The following GLB1 variants were observed in gnomAD, a reference collection of about 807,000 sequenced individuals.
GLB1 encodes the protein galactosidase beta 1.
Under a neutral mutation model 74.0 loss-of-function variants are expected in GLB1, and 56 were observed. The observed-to-expected ratio is 0.76, with a 90% confidence interval of 0.61 to 0.94. The LOEUF is 0.94. Among genes scored for constraint, GLB1 ranks in the 40% least tolerant of loss-of-function variants. GLB1 has a pLI of 0.00. For synonymous variants in GLB1, 323 were observed against 323.6 expected (o/e 1.00, Z 0.02); for missense variants, 787 against 845.5 (o/e 0.93, Z 0.86).
chr3:33,014,342 G>A, intron 14 of GLB1, 32 bp from the exon 15 acceptor site: 1 of 1,609,826 alleles, frequency 6.2e-7, no homozygotes, highest in Admixed American at 1.7e-5. Flanking sequence ...CAGTGAGCTG[G>A]GGAGGGAAGG....
the GLB1 span, among the ~76,000 whole-genome samples, chr3:32,970,103 T>C: frequency 6.6e-6 from 1 of 152,262 alleles, no homozygotes; most frequent in Non-Finnish European, 1.5e-5. Flanking sequence ...GGACTGCCTC[T>C]AACTCTAAGA....
intron 1 of GLB1, chr3:33,090,770 GTGTTGA>G (rs1700723642): frequency 1.0e-6 from 1 of 985,280 alleles, no homozygotes; most frequent in Non-Finnish European, 1.2e-6. Context: ...ATACGAGAGG[GTGTTGA>G]TGTTGTTTCT....
At chr3:33,051,588 G>A (rs1437346822) in intron 9 of GLB1, among the ~76,000 whole-genome samples, 170 bp downstream of exon 9, 53 of 128,014 alleles carry the variant, frequency 4.1e-4, no homozygotes, top group African/African-American at 1.6e-3. Flanking sequence ...CTGGGTGACA[G>A]AGTGAGACTG....
At chr3:33,003,752 G>A (rs547908887) in intron 15 of GLB1, among the ~76,000 whole-genome samples, 1 of 152,304 alleles carries the variant, frequency 6.6e-6, no homozygotes, top group African/African-American at 2.4e-5. Context: ...GAATCTGTCT[G>A]GGCATGGTGG....
intron 6 of GLB1, among the ~76,000 whole-genome samples, chr3:33,056,397 G>A (rs147255443): frequency 7.4e-4 from 112 of 151,786 alleles, no homozygotes; most frequent in African/African-American, 2.5e-3. Context: ...CAAGGAACTG[G>A]TCTTTTTTGT....
At chr3:33,003,324 G>A (rs568468138) in intron 15 of GLB1, among the ~76,000 whole-genome samples, 4 of 152,208 alleles carry the variant, frequency 2.6e-5, no homozygotes, top group East Asian at 3.9e-4. Context: ...AACAACAGTC[G>A]TCAAACCACC....
intron 15 of GLB1, among the ~76,000 whole-genome samples, chr3:33,005,126 G>A (rs1012068666): frequency 2.6e-5 from 4 of 151,336 alleles, no homozygotes; most frequent in African/African-American, 9.7e-5. Context: ...GTGCCATCAT[G>A]CCCTTGTAAC....
At chr3:33,059,136 G>A (rs976841757) in intron 5 of GLB1, among the ~76,000 whole-genome samples, 3 of 152,162 alleles carry the variant, frequency 2.0e-5, no homozygotes, top group African/African-American at 7.2e-5. Flanking sequence ...CTGAGGGTGG[G>A]GTCCCTGCTC....
the GLB1 span, among the ~76,000 whole-genome samples, chr3:32,962,802 A>C: frequency 6.6e-6 from 1 of 151,976 alleles, no homozygotes; most frequent in East Asian, 1.9e-4. Flanking sequence ...CTAAAACACT[A>C]TTCCAGCACT....
chr3:32,999,608 GT>G (rs1488129857), intron 15 of GLB1, among the ~76,000 whole-genome samples: 1 of 152,174 alleles, frequency 6.6e-6, no homozygotes, highest in Non-Finnish European at 1.5e-5. Flanking sequence ...TCCCTGGATG[GT>G]TCTGGGTTAG....
At chr3:33,077,167 C>A in intron 1 of GLB1, 1 of 1,459,626 alleles carries the variant, frequency 6.9e-7, no homozygotes. Context: ...CTTGGTACCT[C>A]TTTTGTGAAG....
rs956986888 is a variant in GLB1, at chr3:33,068,116, A to T, written c.457+114T>A. 8.1e-6 allele frequency: 12 copies of T among 1,487,472 alleles called. No homozygotes were observed. In the Admixed American group the frequency reaches 1.9e-4, roughly 23 times the overall value. The allele number at this position is 1,487,472 out of a possible 1,614,324, so 92.1% of individuals were successfully genotyped here. ...TGGCCAGCCTGGTCTCGAACTCCCA[A>T]CCTCAGGTAATCCACCCGCCTCAGC... is the stretch of plus-strand genomic sequence containing the variant. On this transcript the variant is annotated intron_variant, in intron 4 of 15. Transcript: ENST00000307363.
chr3:32,984,170 C>T, the GLB1 span, among the ~76,000 whole-genome samples: 1 of 152,124 alleles, frequency 6.6e-6, no homozygotes. Context: ...TAAATCCACA[C>T]TAGGGCTAGC....
At chr3:33,067,115 G>C (rs1290034443) in intron 4 of GLB1, among the ~76,000 whole-genome samples, 2 of 149,240 alleles carry the variant, frequency 1.3e-5, no homozygotes, top group African/African-American at 2.5e-5. Context: ...CAATTCTCCT[G>C]CCTCAGCCTC....
intron 1 of GLB1, chr3:33,092,596 G>T: frequency 7.6e-7 from 1 of 1,323,768 alleles, no homozygotes; most frequent in South Asian, 2.4e-5. Context: ...TAATATATGT[G>T]ACCTTAGTGA....
chr3:32,965,885 C>A, the GLB1 span, among the ~76,000 whole-genome samples: 1 of 152,208 alleles, frequency 6.6e-6, no homozygotes, highest in Admixed American at 6.5e-5. Context: ...GTGCAAGCCC[C>A]AATCCTTGGC....
chr3:32,962,224 C>T, the GLB1 span, among the ~76,000 whole-genome samples: 1 of 151,454 alleles, frequency 6.6e-6, no homozygotes, highest in Admixed American at 6.6e-5. Flanking sequence ...GAAGCTGTCA[C>T]AGCCAAGGGG....
chr3:32,972,879 A>G, the GLB1 span, among the ~76,000 whole-genome samples: 15 of 152,198 alleles, frequency 9.9e-5, no homozygotes, highest in African/African-American at 3.4e-4. Context: ...TGTGGCTAGT[A>G]AGCCTTATCT....
chr3:33,065,894 G>A (rs533018984), intron 4 of GLB1, among the ~76,000 whole-genome samples: 11 of 151,948 alleles, frequency 7.2e-5, no homozygotes, highest in African/African-American at 2.7e-4. Flanking sequence ...TTGAACCCGG[G>A]GGGGCGGAGG....
Sources: gnomAD v4.1 joint callset for allele counts (sites outside exome capture counted in the v4.1 genomes callset) on GRCh38, gnomAD v4.1.1 for gene constraint, MANE v1.5 for transcripts, NCBI Gene and HGNC (gene_info 2026-07-23, HGNC 2026-07-21) for gene names.